Variants in PARK7 observed in about 807,000 individuals in gnomAD.
PARK7 encodes the protein Parkinsonism associated deglycase, also known as Parkinson disease protein 7.
PARK7 carries 14 observed loss-of-function variants against 20.5 expected under a neutral mutation model. The ratio of observed to expected loss-of-function variants is 0.68; its 90% CI spans 0.45 to 1.07. The LOEUF is 1.07. PARK7 is among the 50% of genes least tolerant of loss of function. The pLI is 0.00. For synonymous variants in PARK7, 98 were observed against 84.3 expected (o/e 1.16, Z -0.89); for missense variants, 234 against 238.1 (o/e 0.98, Z 0.11).
chr1:7,983,320 A>G (rs1463864241), intron 6 of PARK7, among the ~76,000 whole-genome samples: 1 of 152,140 alleles, frequency 6.6e-6, no homozygotes, highest in Non-Finnish European at 1.5e-5. Context: ...TTCACAGAGG[A>G]GCTTTGTCAC....
rs902522494 is a variant in PARK7 at position 7,975,462 on chromosome 1, T to C, written c.323-2190T>C. Among the ~76,000 whole-genome samples the C allele has an allele frequency of 2.0e-5, 3 of 152,098 alleles. No homozygotes were observed. The South Asian group carries it at 6.2e-4, about 31-fold the overall frequency. On this transcript the variant is annotated intron_variant, in intron 5 of 6. Transcript: ENST00000338639. ...TGCATGTTACCACAGGGTGGTGCTG[T>C]TGGCTGCAGAAGGGGACATGGTCAG... is the stretch of plus-strand genomic sequence containing the variant.
Position 7,984,191 on chromosome 1 carries a change from A to C in PARK7, c.410-703A>C, listed in dbSNP as rs1024768134. ...TGTTGTATACAGTAAGGGAAGCTCC[A>C]GGTGGGAGAGTGATAGGGATGGGTG... On this transcript the variant is annotated intron_variant, in intron 6 of 6. Coordinates refer to ENST00000338639, the MANE Select transcript of PARK7 (RefSeq NM_007262.5). The surrounding 1 kb of genome is among the most constrained non-coding windows in gnomAD (Gnocchi z 4.3). Among the ~76,000 whole-genome samples the C allele has an allele frequency of 6.6e-6, 1 of 152,122 alleles. No homozygotes were observed. The highest frequency in any genetic ancestry group is 6.6e-5 in the Admixed American group (1 of 15,256).
chr1:7,970,737 T>G (rs1640448100), intron 4 of PARK7, among the ~76,000 whole-genome samples, 157 bp from the exon 5 acceptor site: 1 of 152,266 alleles, frequency 6.6e-6, no homozygotes, highest in Non-Finnish European at 1.5e-5. Flanking sequence ...AGACACATTT[T>G]GATCATTTTT....
intron 6 of PARK7, among the ~76,000 whole-genome samples, chr1:7,980,696 A>C (rs906403223): frequency 6.6e-6 from 1 of 152,088 alleles, no homozygotes; most frequent in Non-Finnish European, 1.5e-5. Flanking sequence ...ATTATAAGAA[A>C]TGGATACTTG....
intron 3 of PARK7, 123 bp from the exon 4 acceptor site, chr1:7,969,222 T>C: frequency 1.3e-6 from 1 of 743,512 alleles, no homozygotes; most frequent in East Asian, 2.7e-5. Flanking sequence ...AACTGTTCTA[T>C]TGGCAGATAG....
At chr1:7,970,691 T>G (rs1031107912) in intron 4 of PARK7, among the ~76,000 whole-genome samples, 2 of 152,234 alleles carry the variant, frequency 1.3e-5, no homozygotes, top group South Asian at 4.1e-4. Context: ...GTTTCTCTTA[T>G]GAGAAATGCC....
chr1:7,969,816 G>T (rs951711738), intron 4 of PARK7, among the ~76,000 whole-genome samples: 1 of 152,132 alleles, frequency 6.6e-6, no homozygotes, highest in Non-Finnish European at 1.5e-5. Context: ...CTGACCTCGT[G>T]ATCCGCCCAC....
intron 5 of PARK7, chr1:7,971,381 T>C (rs1481936714): frequency 7.6e-6 from 2 of 264,076 alleles, no homozygotes; most frequent in East Asian, 1.8e-4. Context: ...TGCTTTCCGC[T>C]GGCTTCTCGG....
At chr1:7,969,817 A>T (rs1262489836) in intron 4 of PARK7, among the ~76,000 whole-genome samples, 2 of 152,004 alleles carry the variant, frequency 1.3e-5, no homozygotes, top group Non-Finnish European at 2.9e-5. Context: ...TGACCTCGTG[A>T]TCCGCCCACC....
In PARK7 at chr1:7,981,498, G is replaced by C. The variant is rs7528693; in HGVS notation, c.410-3396G>C. On this transcript the variant is annotated intron_variant, in intron 6 of 6. Transcript: ENST00000338639. ...ATATTGCAGGCTTTCTGGGACTTCA[G>C]ATCTCTGGCAGCTACTCAACTGTTG... is the stretch of plus-strand genomic sequence containing the variant. Among the ~76,000 whole-genome samples, 878 of 152,280 alleles carry C rather than the reference G, an allele frequency of 5.8e-3. 7 individuals carry two copies. Among genetic ancestry groups the C allele is most frequent in the African/African-American group, 0.02 (841 of 41,546 alleles).
chr1:7,985,046 A>G lies in PARK7; in HGVS notation c.562A>G (p.Lys188Glu), dbSNP rs1285851364. The change falls in exon 7 of 7, where the codon AAA becomes GAA. Residue 188 changes from lysine to glutamate, a missense_variant. By Grantham distance (56) the Lys-to-Glu change is moderately conservative (BLOSUM62 1). Transcript: ENST00000338639. ...AAQVKAPLVL[K>E]D ...TCAAGTGAAGGCTCCACTTGTTCTT[A>G]AAGACTAGAGCAGCGAACTGCGACG... 6.2e-7 allele frequency: 1 copy of G among 1,614,002 alleles called. No individual in the cohort carries two copies.
At chr1:7,963,286 A>G (rs1640248604) in intron 2 of PARK7, among the ~76,000 whole-genome samples, 2 of 150,628 alleles carry the variant, frequency 1.3e-5, no homozygotes, top group Non-Finnish European at 3.0e-5. Context: ...CTGCTCTCCA[A>G]CTCCTGAGCT....
rs912887145 is a variant in PARK7 at position 7,984,521 on chromosome 1, C to T, written c.410-373C>T. On this transcript the variant is annotated intron_variant, in intron 6 of 6. Coordinates refer to ENST00000338639, the MANE Select transcript of PARK7 (RefSeq NM_007262.5). The surrounding 1 kb of genome is among the most constrained non-coding windows in gnomAD (Gnocchi z 4.3). ...CACATGTTGATTGGGGTGGCTTCTGCGTTCAGCGCTGCCGCATCCCTTCAC... is the reference window on the plus strand; with the variant it reads ...CACATGTTGATTGGGGTGGCTTCTGTGTTCAGCGCTGCCGCATCCCTTCAC... Among the ~76,000 whole-genome samples the T allele has an allele frequency of 2.6e-5, 4 of 152,174 alleles. No individual in the cohort carries two copies. The highest frequency in any genetic ancestry group is 4.4e-5 in the Non-Finnish European group (3 of 68,030).
intron 6 of PARK7, 122 bp downstream of exon 6, chr1:7,977,860 A>T (rs1490250926): frequency 1.3e-6 from 1 of 799,006 alleles, no homozygotes; most frequent in African/African-American, 1.7e-5. Flanking sequence ...CCCGGGTTCA[A>T]GCGATTCTTC....
At chr1:7,974,862 T>G (rs1236284895) in intron 5 of PARK7, among the ~76,000 whole-genome samples, 7 of 149,952 alleles carry the variant, frequency 4.7e-5, no homozygotes, top group Non-Finnish European at 1.0e-4. Flanking sequence ...TTTTTTTTTT[T>G]TTTTTTGTTG....
intron 3 of PARK7, among the ~76,000 whole-genome samples, chr1:7,968,419 A>T (rs1381171386): frequency 2.0e-5 from 3 of 151,794 alleles, no homozygotes; most frequent in Non-Finnish European, 4.4e-5. Flanking sequence ...GATTTCTAGG[A>T]TTTTTTGGGG....
intron 6 of PARK7, among the ~76,000 whole-genome samples, chr1:7,981,769 C>T (rs1226745140): frequency 2.6e-5 from 4 of 151,632 alleles, no homozygotes; most frequent in Non-Finnish European, 5.9e-5. Flanking sequence ...CGCCATTCTC[C>T]TGCCTCAGCC....
At chr1:7,982,126 C>G (rs941527759) in intron 6 of PARK7, among the ~76,000 whole-genome samples, 1 of 151,414 alleles carries the variant, frequency 6.6e-6, no homozygotes, top group Admixed American at 6.6e-5. Context: ...AGGTACTGGC[C>G]GCCAGGCCCA....
At chr1:7,975,479 C>T (rs1324220757) in intron 5 of PARK7, among the ~76,000 whole-genome samples, 1 of 152,170 alleles carries the variant, frequency 6.6e-6, no homozygotes, top group Non-Finnish European at 1.5e-5. Context: ...CAGAAGGGGA[C>T]ATGGTCAGCT....
Sources: gnomAD v4.1 joint callset for allele counts (sites outside exome capture counted in the v4.1 genomes callset) on GRCh38, gnomAD v4.1.1 for gene constraint, Gnocchi (gnomAD v3.1) non-coding constraint, MANE v1.5 for transcripts, NCBI Gene and HGNC (gene_info 2026-07-23, HGNC 2026-07-21) for gene names.